The following RAD54L2 variants were observed in gnomAD, a reference collection of about 807,000 sequenced individuals.
RAD54L2 encodes RAD54 like 2.
RAD54L2 carries 27 observed loss-of-function variants against 138.4 expected under a neutral mutation model. The ratio of observed to expected loss-of-function variants is 0.20; its 90% CI spans 0.14 to 0.27. The LOEUF is 0.27. Among genes scored for constraint, RAD54L2 ranks in the 10% least tolerant of loss-of-function variants. RAD54L2 has a pLI of 1.00. For synonymous variants in RAD54L2, 644 were observed against 723.2 expected (o/e 0.89, Z 1.76); for missense variants, 1,396 against 1,890.2 (o/e 0.74, Z 4.85).
chr3:51,592,412 A>G (rs1699858700), intron 3 of RAD54L2, among the ~76,000 whole-genome samples: 1 of 151,930 alleles, frequency 6.6e-6, no homozygotes, highest in Non-Finnish European at 1.5e-5. Flanking sequence ...ATTGAAGTTC[A>G]GAGTGATAAA....
chr3:51,634,827 T>G lies in RAD54L2; in HGVS notation c.1143-766T>G, dbSNP rs7628724. On this transcript the variant is annotated intron_variant, in intron 9 of 22. Coordinates refer to ENST00000684192, the MANE Select transcript of RAD54L2 (RefSeq NM_015106.4). ...TGCTTTGTTTTAGATTTAAATAAAATTATCTATATATGTATGCCATAAAGT... is the reference window on the plus strand; with the variant it reads ...TGCTTTGTTTTAGATTTAAATAAAAGTATCTATATATGTATGCCATAAAGT... Among the ~76,000 whole-genome samples, 376 of 152,364 alleles carry G rather than the reference T, an allele frequency of 2.5e-3. 2 individuals carry two copies. Among genetic ancestry groups the G allele is most frequent in the African/African-American group, 8.7e-3 (361 of 41,592 alleles).
At chr3:51,625,233 ACGTGGAGAAACC>A (rs954664815) in intron 3 of RAD54L2, among the ~76,000 whole-genome samples, 6 of 152,142 alleles carry the variant, frequency 3.9e-5, no homozygotes, top group African/African-American at 1.4e-4. Context: ...ACCCTGACCA[ACGTGGAGAAACC>A]CCATCTCTAC....
chr3:51,657,631 A>T lies in RAD54L2; in HGVS notation c.3278A>T (p.Asn1093Ile). ...NSSTDVQARI[N>I]AGESIHIIRG... ...TCCACAGATGTACAGGCAAGAATTA[A>T]TGCTGGTGAGAGCATCCACATCATC... Residue 1093 changes from asparagine (N) to isoleucine (I), a missense_variant, in exon 21 of 23, where the codon AAT becomes ATT. Physicochemically the swap from Asn to Ile is moderately radical, Grantham distance 149. Coordinates refer to ENST00000684192, the MANE Select transcript of RAD54L2 (RefSeq NM_015106.4). 1.3e-6 allele frequency: 2 copies of T among 1,584,504 alleles called. No individual in the cohort carries two copies. The highest frequency in any genetic ancestry group is 1.7e-6 in the Non-Finnish European group (2 of 1,163,382).
At chr3:51,543,698 A>G (rs1553671728) in intron 2 of RAD54L2, among the ~76,000 whole-genome samples, 1 of 150,962 alleles carries the variant, frequency 6.6e-6, no homozygotes, top group Non-Finnish European at 1.5e-5. Context: ...TCTCATAAGG[A>G]CCTTTATGAC....
At chr3:51,589,875 A>C (rs1402050710) in intron 2 of RAD54L2, among the ~76,000 whole-genome samples, 1 of 152,190 alleles carries the variant, frequency 6.6e-6, no homozygotes. Flanking sequence ...TGTTTGAGCT[A>C]TGCAGAGTCA....
intron 2 of RAD54L2, among the ~76,000 whole-genome samples, chr3:51,547,810 G>C (rs1698733591): frequency 1.3e-5 from 2 of 152,100 alleles, no homozygotes; most frequent in Non-Finnish European, 2.9e-5. Context: ...TCGAACTCCT[G>C]AGCTCAAGCG....
chr3:51,664,437 T>C lies in RAD54L2; in HGVS notation c.*1017T>C, dbSNP rs1701871144. On this transcript the variant is annotated 3_prime_UTR_variant, in exon 23 of 23. Transcript: ENST00000684192. ...GTAGAACTGAGCCCCCAGCTGCCTA[T>C]CCTGGTAGTCTTTTCTGTTCCTTTC... 1 of 152,214 alleles carries C rather than the reference T, an allele frequency of 6.6e-6. No individual in the cohort carries two copies. Among genetic ancestry groups the C allele is most frequent in the Admixed American group, 6.5e-5 (1 of 15,280 alleles). 9.4% of individuals were successfully genotyped at this position (152,214 alleles called of 1,614,324 possible).
chr3:51,644,375 G>A (rs1306500589), intron 16 of RAD54L2, among the ~76,000 whole-genome samples: 1 of 152,170 alleles, frequency 6.6e-6, no homozygotes, highest in Non-Finnish European at 1.5e-5. Flanking sequence ...AGTCTGAGAG[G>A]TCGAAGCTGC....
chr3:51,621,502 G>A (rs1404606559), intron 3 of RAD54L2, among the ~76,000 whole-genome samples: 1 of 152,184 alleles, frequency 6.6e-6, no homozygotes, highest in Non-Finnish European at 1.5e-5. Flanking sequence ...ATATTGAAAG[G>A]TCAGCAGGTT....
chr3:51,596,728 A>G (rs573803360), intron 3 of RAD54L2, among the ~76,000 whole-genome samples: 1 of 152,212 alleles, frequency 6.6e-6, no homozygotes, highest in African/African-American at 2.4e-5. Context: ...CTTTTACTTT[A>G]TTACCTGTGC....
chr3:51,621,686 A>G (rs910839937), intron 3 of RAD54L2, among the ~76,000 whole-genome samples: 5 of 152,138 alleles, frequency 3.3e-5, no homozygotes, highest in Non-Finnish European at 4.4e-5. Context: ...CTTGCCTCCA[A>G]CTGTTCCTCC....
Position 51,641,793 on chromosome 3 carries a change from A to T in RAD54L2, c.2276A>T (p.Lys759Ile), listed in dbSNP as rs554572500. 1 of 1,600,882 alleles carries T rather than the reference A, an allele frequency of 6.2e-7. No individual in the cohort carries two copies. Among genetic ancestry groups the T allele is most frequent in the Non-Finnish European group, 8.5e-7 (1 of 1,173,484 alleles). Reference sequence around the variant, plus strand: ...GCTCTCATCGAGGAATTCCTTGGAAAACGAGAAGTACCCTGTCCACCTGGT... The same window carrying T: ...GCTCTCATCGAGGAATTCCTTGGAATACGAGAAGTACCCTGTCCACCTGGT... ...TLALIEEFLG[K>I]REVPCPPGTE... The change falls in exon 15 of 23, where the codon AAA becomes ATA. Residue 759 changes from lysine (K) to isoleucine (I), a missense_variant. Lys to Ile is a moderately radical substitution (Grantham distance 102). Coordinates refer to ENST00000684192, the MANE Select transcript of RAD54L2 (RefSeq NM_015106.4).
chr3:51,605,245 A>G (rs1003844522), intron 3 of RAD54L2, among the ~76,000 whole-genome samples: 1 of 151,456 alleles, frequency 6.6e-6, no homozygotes, highest in Non-Finnish European at 1.5e-5. Context: ...CCCCACCACC[A>G]TGCCCAGCTA....
chr3:51,652,219 CT>C, intron 19 of RAD54L2, among the ~76,000 whole-genome samples: 1 of 152,280 alleles, frequency 6.6e-6, no homozygotes, highest in East Asian at 1.9e-4. Flanking sequence ...AGGAATCCAA[CT>C]TACAAGGGAT....
At chr3:51,641,241 G>C (rs1008781711) in intron 14 of RAD54L2, among the ~76,000 whole-genome samples, 4 of 152,096 alleles carry the variant, frequency 2.6e-5, no homozygotes. Flanking sequence ...CCTGACCTCA[G>C]GTGATCCGCC....
At chr3:51,566,669 T>G (rs1348565126) in intron 2 of RAD54L2, among the ~76,000 whole-genome samples, 1 of 151,850 alleles carries the variant, frequency 6.6e-6, no homozygotes, top group Admixed American at 6.6e-5. Flanking sequence ...CTGTTGGCTC[T>G]TTCTTCTGTT....
Position 51,557,550 on chromosome 3 carries a change from T to TATGTAAGA in RAD54L2, c.-55+15904_-55+15905insAAGAATGT, listed in dbSNP as rs557981232. ...AGTGTTTAATTAATAAGAACATTCTTATGTTCTTATTAATTACACGCCTGT... is the reference window on the plus strand; with the variant it reads ...AGTGTTTAATTAATAAGAACATTCTTATGTAAGAATGTTCTTATTAATTACACGCCTGT... On this transcript the variant is annotated intron_variant, in intron 2 of 22. Transcript: ENST00000684192. Among the ~76,000 whole-genome samples, 66 of 151,894 alleles carry TATGTAAGA rather than the reference T, an allele frequency of 4.3e-4. 2 individuals carry two copies. The East Asian group carries it at 0.012, about 28-fold the overall frequency.
chr3:51,545,495 CCTG>C (rs1471782564), intron 2 of RAD54L2, among the ~76,000 whole-genome samples: 1 of 151,986 alleles, frequency 6.6e-6, no homozygotes, highest in Non-Finnish European at 1.5e-5. Context: ...TGGCCACCCT[CCTG>C]GATCTTGGTA....
chr3:51,594,765 G>T (rs1311566149), intron 3 of RAD54L2, among the ~76,000 whole-genome samples: 2 of 151,792 alleles, frequency 1.3e-5, no homozygotes, highest in African/African-American at 2.4e-5. Context: ...GACACAAGAG[G>T]GGTAATCACC....
Sources: allele counts gnomAD v4.1 joint callset (sites outside exome capture counted in the v4.1 genomes callset), GRCh38; gene constraint gnomAD v4.1.1; transcripts MANE v1.5; gene names NCBI Gene and HGNC (gene_info 2026-07-23, HGNC 2026-07-21).